Variants in ASXL3 observed in about 807,000 individuals in gnomAD.
ASXL3 encodes ASXL transcriptional regulator 3, also known as putative Polycomb group protein ASXL3.
In ASXL3, 34 loss-of-function variants were observed where a neutral mutation model predicts 170.6. That is an observed-to-expected ratio of 0.20 (90% CI 0.15 to 0.27). ASXL3 has a LOEUF of 0.27. ASXL3 is among the 10% of genes least tolerant of loss of function. The pLI, the probability that ASXL3 is intolerant of heterozygous loss-of-function variation, is 1.00. For synonymous variants in ASXL3, 1,002 were observed against 989.1 expected, an observed-to-expected ratio of 1.01 and a Z score of -0.24; for missense variants, 2,592 against 2,695.3, an observed-to-expected ratio of 0.96 and a Z score of 0.85.
rs1478922106 is a variant in ASXL3, at chr18:33,713,229, G to GTTTTTTTTTTTTTTTT, written c.880-18731_880-18730insTTTTTTTTTTTTTTTT. 2.3e-4 allele frequency among the ~76,000 whole-genome samples: 19 copies of GTTTTTTTTTTTTTTTT among 81,762 alleles called. 4 individuals are homozygous for GTTTTTTTTTTTTTTTT. Among genetic ancestry groups the GTTTTTTTTTTTTTTTT allele is most frequent in the South Asian group, 4.6e-4 (1 of 2,170 alleles). 53.6% of individuals were successfully genotyped at this position (81,762 alleles called of 152,430 possible). On this transcript the variant is annotated intron_variant, in intron 8 of 11. Coordinates refer to ENST00000269197, the MANE Select transcript of ASXL3 (RefSeq NM_030632.3). ...GCAGTTAGCAATCTACCACAAGAAG[G>GTTTTTTTTTTTTTTTT]TTTTTTTTGTTTTGTTTTGTTTTTT...
intron 8 of ASXL3, among the ~76,000 whole-genome samples, chr18:33,686,897 G>A (rs1599494416): frequency 6.6e-6 from 1 of 152,156 alleles, no homozygotes; most frequent in Admixed American, 6.5e-5. Context: ...TTTGGGAGCA[G>A]GTATCTCTGT....
In ASXL3 at chr18:33,578,587, T is replaced by C; in HGVS notation, c.-45T>C. 1.7e-6 allele frequency: 2 copies of C among 1,204,832 alleles called. No individual in the cohort carries two copies. The highest frequency in any genetic ancestry group is 2.1e-6 in the Non-Finnish European group (2 of 933,784). The allele number at this position is 1,204,832 out of a possible 1,614,324, so 74.6% of individuals were successfully genotyped here. A position where few individuals can be genotyped will look rare whatever the true frequency, so the allele number is the denominator to read the frequency against. ...CCGCGCCCGAACCCCGAGCACCCCG[T>C]GGAATCCCCCACGTCATCATCAGAA... On this transcript the variant is annotated 5_prime_UTR_variant, in exon 1 of 12. Transcript: ENST00000269197.
intron 8 of ASXL3, among the ~76,000 whole-genome samples, chr18:33,687,435 A>C (rs531559997): frequency 1.3e-5 from 2 of 152,220 alleles, no homozygotes; most frequent in South Asian, 4.1e-4. Context: ...AAATACCTAA[A>C]ATTTCAATTA....
chr18:33,630,763 A>G (rs904711520), intron 2 of ASXL3, among the ~76,000 whole-genome samples: 2 of 152,150 alleles, frequency 1.3e-5, no homozygotes, highest in Non-Finnish European at 2.9e-5. Context: ...TTAGATAATG[A>G]ACAAGGAAAC....
In ASXL3 at chr18:33,747,666, TCAA is replaced by T. The variant is rs2067818257; in HGVS notation, c.*1074_*1076del. 6.6e-6 allele frequency: 1 copy of T among 152,200 alleles called. No homozygotes were observed. The highest frequency in any genetic ancestry group is 6.5e-5 in the Admixed American group (1 of 15,276). The allele number at this position is 152,200 out of a possible 1,614,324, so 9.4% of individuals were successfully genotyped here. ...AAAGGGACTACCCAAGGCTAAAGCG[TCAA>T]CATTTTTCAGAACAATTGCTTTTCT... On this transcript the variant is annotated 3_prime_UTR_variant, in exon 12 of 12. Coordinates refer to ENST00000269197, the MANE Select transcript of ASXL3 (RefSeq NM_030632.3).
In ASXL3 at chr18:33,647,580, A is replaced by G. The variant is rs1029858699; in HGVS notation, c.355+1227A>G. 4.6e-5 allele frequency among the ~76,000 whole-genome samples: 7 copies of G among 151,946 alleles called. No individual in the cohort carries two copies. In the South Asian group the frequency reaches 8.3e-4, roughly 18 times the overall value. On this transcript the variant is annotated intron_variant, in intron 4 of 11. Coordinates refer to ENST00000269197, the MANE Select transcript of ASXL3 (RefSeq NM_030632.3). Reference sequence around the variant, plus strand: ...CTAAAAGGGGAGGTGAGTGGGGCATACTTTTCCCTTTCAGGAGGGTGAAGG... The same window carrying G: ...CTAAAAGGGGAGGTGAGTGGGGCATGCTTTTCCCTTTCAGGAGGGTGAAGG...
chr18:33,591,348 C>T (rs1406634825), intron 1 of ASXL3, among the ~76,000 whole-genome samples: 2 of 152,108 alleles, frequency 1.3e-5, no homozygotes, highest in African/African-American at 2.4e-5. Context: ...CATGCTCTGT[C>T]CTGGGCAGAG....
intron 1 of ASXL3, among the ~76,000 whole-genome samples, chr18:33,582,574 T>A (rs1366998008): frequency 1.3e-5 from 2 of 152,204 alleles, no homozygotes; most frequent in Non-Finnish European, 2.9e-5. Context: ...CTTTGTTTAG[T>A]CTCAGTGACA....
intron 4 of ASXL3, among the ~76,000 whole-genome samples, chr18:33,652,982 C>G (rs1011605940): frequency 2.2e-4 from 34 of 152,038 alleles, no homozygotes; most frequent in African/African-American, 8.2e-4. Context: ...AGTAGTCACA[C>G]TGACAGCTCA....
Position 33,661,691 on chromosome 18 carries a change from A to C in ASXL3, c.431A>C (p.Lys144Thr). The C allele has an allele frequency of 1.2e-6, 2 of 1,612,972 alleles. No homozygotes were observed. Reference sequence around the variant, plus strand: ...CTTACTAACACAGCAGTGCAAAGCAAGTTAGTGTCTTCCTTCCAGCAGCAC... The same window carrying C: ...CTTACTAACACAGCAGTGCAAAGCACGTTAGTGTCTTCCTTCCAGCAGCAC... ...SSLTNTAVQS[K>T]LVSSFQQHTK... The change falls in exon 5 of 12, where the codon AAG becomes ACG. Residue 144 changes from lysine to threonine, a missense_variant. Lys to Thr is a moderately conservative substitution (Grantham distance 78, BLOSUM62 -1). Around this residue, in one of 4 missense-constraint regions of ASXL3, gnomAD observed 251 missense variants for 281.9 expected, o/e 0.89. Coordinates refer to ENST00000269197, the MANE Select transcript of ASXL3 (RefSeq NM_030632.3).
intron 4 of ASXL3, among the ~76,000 whole-genome samples, chr18:33,647,603 A>C (rs1054310299): frequency 6.6e-6 from 1 of 151,974 alleles, no homozygotes; most frequent in African/African-American, 2.4e-5. Flanking sequence ...AGGAGGGTGA[A>C]GGAGAATCTT....
At chr18:33,687,085 G>A (rs890808646) in intron 8 of ASXL3, among the ~76,000 whole-genome samples, 3 of 152,156 alleles carry the variant, frequency 2.0e-5, no homozygotes, top group Non-Finnish European at 4.4e-5. Flanking sequence ...GCTATGAAAT[G>A]GGATTGTTAA....
intron 1 of ASXL3, among the ~76,000 whole-genome samples, chr18:33,580,024 A>G (rs2064979114): frequency 6.6e-6 from 1 of 152,206 alleles, no homozygotes; most frequent in Non-Finnish European, 1.5e-5. Flanking sequence ...AATTGGCCCT[A>G]TTGCCCAGCG....
At chr18:33,707,011 C>A (rs1459283116) in intron 8 of ASXL3, among the ~76,000 whole-genome samples, 1 of 151,492 alleles carries the variant, frequency 6.6e-6, no homozygotes, top group Non-Finnish European at 1.5e-5. Context: ...TCATTCTTCC[C>A]CCCACCCCCA....
Position 33,744,407 on chromosome 18 carries a change from C to A in ASXL3, c.4559C>A (p.Ser1520Tyr), listed in dbSNP as rs376171848. 1 of 1,613,722 alleles carries A rather than the reference C, an allele frequency of 6.2e-7. No individual in the cohort carries two copies. The highest frequency in any genetic ancestry group is 1.3e-5 in the African/African-American group (1 of 74,930). The change falls in exon 12 of 12, where the codon TCT (serine) becomes TAT (tyrosine). Residue 1520 changes from serine (S) to tyrosine (Y), a missense_variant. Coordinates refer to ENST00000269197, the MANE Select transcript of ASXL3 (RefSeq NM_030632.3). Reference sequence around the variant, plus strand: ...CAGCCCGTGGCGTGTCCTCAGGTGTCTGTGATTAGCAGGCCTGAGCCAGTT... The same window carrying A: ...CAGCCCGTGGCGTGTCCTCAGGTGTATGTGATTAGCAGGCCTGAGCCAGTT... ...SVQPVACPQV[S>Y]VISRPEPVAN... is the part of the protein sequence containing the mutation.
chr18:33,606,382 T>A (rs2065248850), intron 1 of ASXL3, among the ~76,000 whole-genome samples: 1 of 151,734 alleles, frequency 6.6e-6, no homozygotes, highest in Admixed American at 6.6e-5. Flanking sequence ...AAGGAGGAAA[T>A]TTCCTGGGAA....
chr18:33,641,179 A>G (rs1400991967), intron 2 of ASXL3, among the ~76,000 whole-genome samples: 1 of 152,068 alleles, frequency 6.6e-6, no homozygotes, highest in Non-Finnish European at 1.5e-5. Flanking sequence ...CTGTCGGTAA[A>G]ATTGTGTGTA....
At chr18:33,732,711 C>T (rs1014646689) in intron 9 of ASXL3, among the ~76,000 whole-genome samples, 1 of 151,984 alleles carries the variant, frequency 6.6e-6, no homozygotes, top group African/African-American at 2.4e-5. Context: ...AAAAATCAGC[C>T]AGGCATGGTG....
chr18:33,660,041 C>G (rs950506357), intron 4 of ASXL3, among the ~76,000 whole-genome samples: 1 of 152,040 alleles, frequency 6.6e-6, no homozygotes, highest in Non-Finnish European at 1.5e-5. Context: ...CAGATCTTGA[C>G]TTTTGAAACC....
Sources: allele counts gnomAD v4.1 joint callset (sites outside exome capture counted in the v4.1 genomes callset), GRCh38; gene constraint gnomAD v4.1.1; regional missense constraint gnomAD v4.1.1; transcripts MANE v1.5; gene names NCBI Gene and HGNC (gene_info 2026-07-23, HGNC 2026-07-21).